Variants in SLC44A3 observed in about 807,000 individuals in gnomAD.
The protein encoded by SLC44A3 is solute carrier family 44 member 3.
SLC44A3 carries 74 observed loss-of-function variants against 75.4 expected under a neutral mutation model. The ratio of observed to expected loss-of-function variants is 0.98; its 90% CI spans 0.81 to 1.19. The LOEUF is 1.19. SLC44A3 is among the 50% of genes most tolerant of loss of function. The pLI is 0.00. For missense variants in SLC44A3, 700 were observed against 778.6 expected (o/e 0.90, Z 1.20); for synonymous variants, 310 against 296.9 (o/e 1.04, Z -0.45).
At chr1:94,886,946 G>A (rs1439558338) in intron 12 of SLC44A3, among the ~76,000 whole-genome samples, 1 of 151,966 alleles carries the variant, frequency 6.6e-6, no homozygotes, top group Non-Finnish European at 1.5e-5. Flanking sequence ...CCACCCACCT[G>A]TTTTGTGATG....
chr1:94,885,698 A>G (rs913650495), intron 12 of SLC44A3, among the ~76,000 whole-genome samples: 1 of 152,198 alleles, frequency 6.6e-6, no homozygotes, highest in Admixed American at 6.5e-5. Context: ...CCGGGGGCAC[A>G]CTACTTTACC....
intron 3 of SLC44A3, among the ~76,000 whole-genome samples, chr1:94,824,914 T>C (rs1353905542): frequency 6.6e-6 from 1 of 152,190 alleles, no homozygotes; most frequent in Non-Finnish European, 1.5e-5. Flanking sequence ...TTATTATACC[T>C]ACCTCACAAG....
chr1:94,859,477 G>T (rs1002481986), intron 10 of SLC44A3, among the ~76,000 whole-genome samples: 1 of 152,222 alleles, frequency 6.6e-6, no homozygotes, highest in Non-Finnish European at 1.5e-5. Context: ...GCCTGTCCGT[G>T]TGTGTTGGCT....
Position 94,845,234 on chromosome 1 carries a change from C to T in SLC44A3, c.886-44C>T, listed in dbSNP as rs1230108123. 6 of 1,544,378 alleles carry T rather than the reference C, an allele frequency of 3.9e-6. No individual in the cohort carries two copies. The African/African-American group carries it at 4.1e-5, about 11-fold the overall frequency. On this transcript the variant is annotated intron_variant, in intron 8 of 14. Coordinates refer to ENST00000271227, the MANE Select transcript of SLC44A3 (RefSeq NM_001114106.3). ...GGCTTGCTTTAAGCTCTACCCAGTT[C>T]TCCATTATTTGGAAGTAATTTACTC...
intron 2 of SLC44A3, 26 bp from the exon 3 acceptor site, chr1:94,824,467 C>T: frequency 5.7e-6 from 9 of 1,569,820 alleles, no homozygotes; most frequent in Non-Finnish European, 7.7e-6. Flanking sequence ...TTTGGCCAGG[C>T]TCTCATATGC....
chr1:94,826,591 C>T (rs1487400212), intron 3 of SLC44A3, among the ~76,000 whole-genome samples: 2 of 149,158 alleles, frequency 1.3e-5, no homozygotes, highest in Non-Finnish European at 3.0e-5. Context: ...GCAGAGGTGG[C>T]AGTGTCATTG....
intron 4 of SLC44A3, 98 bp from the exon 5 acceptor site, chr1:94,828,395 A>T: frequency 1.1e-6 from 1 of 932,012 alleles, no homozygotes; most frequent in Non-Finnish European, 1.7e-6. Context: ...TAGACCTTGT[A>T]GTTGATTCTT....
chr1:94,858,696 T>C (rs1434355096), intron 10 of SLC44A3, among the ~76,000 whole-genome samples: 1 of 152,000 alleles, frequency 6.6e-6, no homozygotes, highest in Non-Finnish European at 1.5e-5. Context: ...TGTTTGTTTG[T>C]TTGTTTGTTT....
intron 3 of SLC44A3, among the ~76,000 whole-genome samples, chr1:94,827,067 G>T (rs994759606): frequency 2.0e-5 from 3 of 152,168 alleles, no homozygotes; most frequent in African/African-American, 7.2e-5. Flanking sequence ...CCCAGCCTTG[G>T]CCCCCTCCTT....
Position 94,894,824 on chromosome 1 carries a change from G to C in SLC44A3, c.1864G>C (p.Val622Leu). The C allele has an allele frequency of 6.2e-7, 1 of 1,609,354 alleles. No individual in the cohort carries two copies. The highest frequency in any genetic ancestry group is 1.1e-5 in the South Asian group (1 of 90,246). Reference sequence around the variant, plus strand: ...TTGTTCTTTTGTTTTTCAGAGTTTCGTAAAAAGGAGCAACAAATTAAACAA... The same window carrying C: ...TTGTTCTTTTGTTTTTCAGAGTTTCCTAAAAAGGAGCAACAAATTAAACAA... Reference protein sequence around the residue: ...YFMDQEFLSFVKRSNKLNNAR... With the variant: ...YFMDQEFLSFLKRSNKLNNAR... The change falls in exon 15 of 15, where the codon GTA becomes CTA. Residue 622 changes from valine to leucine, a missense_variant. Transcript: ENST00000271227.
intron 12 of SLC44A3, among the ~76,000 whole-genome samples, chr1:94,889,601 A>C (rs2101669762): frequency 6.6e-6 from 1 of 152,100 alleles, no homozygotes; most frequent in South Asian, 2.1e-4. Flanking sequence ...ATTTATGCTT[A>C]AGAAATTATC....
intron 12 of SLC44A3, among the ~76,000 whole-genome samples, chr1:94,884,122 G>A (rs1224511851): frequency 1.3e-5 from 2 of 152,142 alleles, no homozygotes; most frequent in Non-Finnish European, 2.9e-5. Flanking sequence ...AAAATAGCAC[G>A]ACCCTGTTCG....
chr1:94,883,050 A>G (rs1380194356), intron 12 of SLC44A3, among the ~76,000 whole-genome samples: 1 of 151,598 alleles, frequency 6.6e-6, no homozygotes, highest in Non-Finnish European at 1.5e-5. Context: ...TATTAGCCCC[A>G]CAGAGAGGCC....
In SLC44A3 at chr1:94,845,427, C is replaced by T; in HGVS notation, c.1035C>T (p.Val345=). 6.2e-7 allele frequency: 1 copy of T among 1,613,608 alleles called. No individual in the cohort carries two copies. The highest frequency in any genetic ancestry group is 8.5e-7 in the Non-Finnish European group (1 of 1,179,968). ...WTFAILIFFW[V]LWVAVLLSLG... is the part of the protein sequence containing the mutation. The stretch of plus-strand genomic sequence containing the variant: ...TTGCCATCCTCATTTTCTTCTGGGT[C>T]CTCTGGGTGGCTGTGCTGCTGAGCC... Residue 345 remains valine (V), a synonymous_variant, in exon 9 of 15, where the codon GTC becomes GTT. Transcript: ENST00000271227.
rs370657082 is a variant in SLC44A3 at position 94,837,766 on chromosome 1, C to G, written c.565C>G (p.Leu189Val). 33 of 1,611,604 alleles carry G rather than the reference C, an allele frequency of 2.0e-5. No homozygotes were observed. The highest frequency in any genetic ancestry group is 1.6e-4 in the Middle Eastern group (1 of 6,080). The stretch of plus-strand genomic sequence containing the variant: ...CCCTCAAACACCTGAGTGCTACTCC[C>G]TATTTGCATCTGTTTTGATAAATGA... ...CVPQTPECYS[L>V]FASVLINDVD... The change falls in exon 6 of 15, where the codon CTA becomes GTA. Residue 189 changes from leucine (L) to valine (V), a missense_variant. Coordinates refer to ENST00000271227, the MANE Select transcript of SLC44A3 (RefSeq NM_001114106.3).
intron 12 of SLC44A3, among the ~76,000 whole-genome samples, chr1:94,887,399 A>G (rs574401015): frequency 6.6e-6 from 1 of 152,206 alleles, no homozygotes; most frequent in East Asian, 1.9e-4. Flanking sequence ...GAATCTGGTA[A>G]AATGCTAGTG....
At chr1:94,822,548 A>ACT (rs34163849) in intron 2 of SLC44A3, among the ~76,000 whole-genome samples, 55,116 of 151,856 alleles carry the variant, frequency 0.36, 10,241 homozygotes, top group East Asian at 0.58. Flanking sequence ...AGATGTCCTG[A>ACT]CTGGTGATGG....
intron 4 of SLC44A3, 38 bp downstream of exon 4, chr1:94,827,681 TG>T (rs749364654): frequency 6.2e-7 from 1 of 1,609,902 alleles, no homozygotes; most frequent in Non-Finnish European, 8.5e-7. Flanking sequence ...TTCCCCATGA[TG>T]GGGTAAGCTG....
chr1:94,845,572 G>A (rs562952525), intron 9 of SLC44A3, 108 bp downstream of exon 9: 31 of 1,067,854 alleles, frequency 2.9e-5, no homozygotes, highest in Non-Finnish European at 3.8e-5. Flanking sequence ...TTGAGCCAGA[G>A]GTGTCTGATG....
Sources: allele counts gnomAD v4.1 joint callset (sites outside exome capture counted in the v4.1 genomes callset), GRCh38; gene constraint gnomAD v4.1.1; transcripts MANE v1.5; gene names NCBI Gene and HGNC (gene_info 2026-07-23, HGNC 2026-07-21).